The following SRPRB variants were observed in gnomAD, a reference collection of about 807,000 sequenced individuals.
The protein encoded by SRPRB is SRP receptor subunit beta.
Under a neutral mutation model 31.9 loss-of-function variants are expected in SRPRB, and 20 were observed. The observed-to-expected ratio is 0.63, with a 90% confidence interval of 0.44 to 0.91. The LOEUF is 0.91. Ranked by LOEUF, SRPRB falls within the 40% of genes least tolerant of loss-of-function variation. The pLI is 0.00. For missense variants in SRPRB, 321 were observed against 324.9 expected (o/e 0.99, Z 0.09); for synonymous variants, 146 against 132.8 (o/e 1.10, Z -0.68).
At chr3:133,809,331 G>A (rs879520554) in intron 3 of SRPRB, among the ~76,000 whole-genome samples, 6 of 152,186 alleles carry the variant, frequency 3.9e-5, no homozygotes, top group Non-Finnish European at 5.9e-5. Context: ...GTGAGGGCTC[G>A]TTGGAGGATG....
chr3:133,809,986 C>T (rs2107970497), intron 3 of SRPRB, among the ~76,000 whole-genome samples: 1 of 151,774 alleles, frequency 6.6e-6, no homozygotes, highest in Admixed American at 6.5e-5. Flanking sequence ...GAGCATTTTT[C>T]CCTTCCCTCT....
At position 133,819,623 on chromosome 3, in the gene SRPRB, C is replaced by G. The variant is rs748915548; in HGVS notation, c.673C>G (p.Leu225Val). Residue 225 changes from leucine to valine, a missense_variant, in exon 7 of 7, where the codon CTG becomes GTG. Coordinates refer to ENST00000678299, the MANE Select transcript of SRPRB (RefSeq NM_001379313.1). The stretch of plus-strand genomic sequence containing the variant: ...CAGTTCCAGCACTGCCCCTGCTCAG[C>G]TGGGGAAGAAAGGCAAAGAGTTTGA... ...LDSSSTAPAQ[L>V]GKKGKEFEFS... 1 of 1,614,200 alleles carries G rather than the reference C, an allele frequency of 6.2e-7. No individual in the cohort carries two copies. Among genetic ancestry groups the G allele is most frequent in the Non-Finnish European group, 8.5e-7 (1 of 1,180,032 alleles).
chr3:133,788,435 T>G (rs1442744893), intron 1 of SRPRB: 1 of 152,250 alleles, frequency 6.6e-6, no homozygotes, highest in Non-Finnish European at 1.5e-5. Flanking sequence ...TCCCACCCTG[T>G]GGAGCGTACT....
chr3:133,806,614 T>A lies in SRPRB; in HGVS notation c.160T>A (p.Trp54Arg). Residue 54 changes from tryptophan to arginine, a missense_variant, in exon 2 of 7, where the codon TGG (tryptophan) becomes AGG (arginine). Trp to Arg is a moderately radical substitution (Grantham distance 101, BLOSUM62 -3). Transcript: ENST00000678299. The part of the protein sequence containing the change: ...VLAVLLTLVF[W>R]KLIRSRRSSQ... The stretch of plus-strand genomic sequence containing the variant: ...TTTCTCTGTCTATTCCACAGTCTTC[T>A]GGAAGTTAATCCGGAGCAGAAGGAG... The A allele has an allele frequency of 1.2e-6, 2 of 1,614,052 alleles. No individual in the cohort carries two copies. The highest frequency in any genetic ancestry group is 1.7e-6 in the Non-Finnish European group (2 of 1,179,872).
downstream of SRPRB, chr3:133,826,981 G>A (rs1461186089): frequency 6.6e-6 from 1 of 152,630 alleles, no homozygotes; most frequent in African/African-American, 2.4e-5. Context: ...CATGACATCT[G>A]AAACACGTTC....
Position 133,820,793 on chromosome 3 carries a change from T to C in SRPRB, c.*1027T>C, listed in dbSNP as rs982745965. ...AAAGCAATTAAATAGAATGTAATGG[T>C]GAGTACAAATGAGTGCACATGTCAG... On this transcript the variant is annotated 3_prime_UTR_variant, in exon 7 of 7. Coordinates refer to ENST00000678299, the MANE Select transcript of SRPRB (RefSeq NM_001379313.1). 6.6e-6 allele frequency: 1 copy of C among 152,188 alleles called. No homozygotes were observed. The highest frequency in any genetic ancestry group is 1.5e-5 in the Non-Finnish European group (1 of 68,038). 9.4% of individuals were successfully genotyped at this position (152,188 alleles called of 1,614,324 possible). A position where few individuals can be genotyped will look rare whatever the true frequency, so the allele number is the denominator to read the frequency against.
intron 1 of SRPRB, chr3:133,793,987 A>G (rs1228801184): frequency 6.6e-6 from 1 of 152,248 alleles, no homozygotes; most frequent in African/African-American, 2.4e-5. Flanking sequence ...ATGCTAAATC[A>G]GCTGATACTG....
chr3:133,822,746 T>G (rs1935494916), downstream of SRPRB, among the ~76,000 whole-genome samples: 1 of 152,232 alleles, frequency 6.6e-6, no homozygotes, highest in Non-Finnish European at 1.5e-5. Context: ...TTCAGTTGGC[T>G]CATGCCTGTC....
Position 133,805,816 on chromosome 3 carries a change from C to T in SRPRB, c.-33C>T, listed in dbSNP as rs1935140794. 3 of 1,583,224 alleles carry T rather than the reference C, an allele frequency of 1.9e-6. No homozygotes were observed. Among genetic ancestry groups the T allele is most frequent in the Non-Finnish European group, 1.7e-6 (2 of 1,165,904 alleles). On this transcript the variant is annotated 5_prime_UTR_variant, in exon 1 of 7. Coordinates refer to ENST00000678299, the MANE Select transcript of SRPRB (RefSeq NM_001379313.1). Reference sequence around the variant, plus strand: ...CTGCGCAGAGTGCAGGGCCACGTCGCTTTTGCTGTACCGGGGACCACGCGT... The same window carrying T: ...CTGCGCAGAGTGCAGGGCCACGTCGTTTTTGCTGTACCGGGGACCACGCGT...
At chr3:133,799,417 T>A (rs1935029758) in intron 1 of SRPRB, among the ~76,000 whole-genome samples, 1 of 152,152 alleles carries the variant, frequency 6.6e-6, no homozygotes. Flanking sequence ...AGTTTCATAA[T>A]CAGATGTATA....
chr3:133,820,589 T>C lies in SRPRB; in HGVS notation c.*823T>C, dbSNP rs938428254. ...TATTTTGTACTCCTGGCTAGAATGCTGTGGAACAAATACAAAGTGAAAAAA... is the reference window on the plus strand; with the variant it reads ...TATTTTGTACTCCTGGCTAGAATGCCGTGGAACAAATACAAAGTGAAAAAA... On this transcript the variant is annotated 3_prime_UTR_variant, in exon 7 of 7. Transcript: ENST00000678299. 6.6e-6 allele frequency: 1 copy of C among 152,152 alleles called. No individual in the cohort carries two copies. The highest frequency in any genetic ancestry group is 2.4e-5 in the African/African-American group (1 of 41,430). 9.4% of individuals were successfully genotyped at this position (152,152 alleles called of 1,614,324 possible). A position where few individuals can be genotyped will look rare whatever the true frequency, so the allele number is the denominator to read the frequency against.
At chr3:133,804,704 C>T (rs1216188391), upstream of SRPRB, among the ~76,000 whole-genome samples, 1 of 151,942 alleles carries the variant, frequency 6.6e-6, no homozygotes, top group Non-Finnish European at 1.5e-5. Flanking sequence ...CATGGCCTTT[C>T]ACCAGCTCCA....
intron 1 of SRPRB, among the ~76,000 whole-genome samples, chr3:133,799,124 G>A (rs1935023812): frequency 6.6e-6 from 1 of 152,206 alleles, no homozygotes; most frequent in East Asian, 1.9e-4. Context: ...CTTTTGATGT[G>A]ACTCTAGATT....
intron 1 of SRPRB, chr3:133,794,154 A>G (rs1261988628): frequency 6.6e-6 from 1 of 152,192 alleles, no homozygotes; most frequent in African/African-American, 2.4e-5. Context: ...ACTCATGGAG[A>G]ACCAGGATGG....
intron 1 of SRPRB, among the ~76,000 whole-genome samples, chr3:133,799,719 C>G (rs1032776505): frequency 2.0e-5 from 3 of 151,954 alleles, no homozygotes; most frequent in Non-Finnish European, 4.4e-5. Flanking sequence ...AGATAATTCT[C>G]CAAAGGTCCC....
chr3:133,798,364 AATT>A (rs1172481797), intron 1 of SRPRB, among the ~76,000 whole-genome samples: 1 of 152,208 alleles, frequency 6.6e-6, no homozygotes, highest in Non-Finnish European at 1.5e-5. Flanking sequence ...TACATTAAGT[AATT>A]CAGTGAAAAT....
At chr3:133,816,989 C>G (rs1465792158) in intron 6 of SRPRB, 57 bp downstream of exon 6, 2 of 1,352,638 alleles carry the variant, frequency 1.5e-6, no homozygotes, top group Non-Finnish European at 2.1e-6. Flanking sequence ...AGACTGTAAG[C>G]AGCATATTCA....
At chr3:133,784,473 ATAATAATAATAAT>A (rs1934603009) in intron 1 of SRPRB, 1 of 135,714 alleles carries the variant, frequency 7.4e-6, no homozygotes, top group African/African-American at 2.7e-5. Context: ...TGTTAAAAAA[ATAATAATAATAAT>A]AATAATAATA....
chr3:133,822,071 T>C (rs6439443), downstream of SRPRB, among the ~76,000 whole-genome samples: 96,147 of 151,938 alleles, frequency 0.63, 31,926 homozygotes, highest in African/African-American at 0.83. Context: ...GTGGTGCCCT[T>C]TTGTGGCCCT....
Sources: gnomAD v4.1 joint callset for allele counts (sites outside exome capture counted in the v4.1 genomes callset) on GRCh38, gnomAD v4.1.1 for gene constraint, MANE v1.5 for transcripts, NCBI Gene and HGNC (gene_info 2026-07-23, HGNC 2026-07-21) for gene names.